Variants in CNTN3 observed in about 807,000 individuals in gnomAD.
The protein encoded by CNTN3 is contactin-3.
CNTN3 carries 60 observed loss-of-function variants against 119.1 expected under a neutral mutation model. The ratio of observed to expected loss-of-function variants is 0.50; its 90% CI spans 0.41 to 0.62. CNTN3 has a LOEUF of 0.62. CNTN3 is among the 20% of genes least tolerant of loss of function. The probability of loss-of-function intolerance (pLI) is 0.00; values close to 1 mark genes in which losing one functional copy is unlikely to be tolerated. For missense variants in CNTN3, 1,101 were observed against 1,242.4 expected (o/e 0.89, Z 1.71); for synonymous variants, 450 against 438.7 (o/e 1.03, Z -0.32).
intron 5 of CNTN3, among the ~76,000 whole-genome samples, chr3:74,405,685 T>C (rs1318832257): frequency 2.0e-5 from 3 of 152,106 alleles, no homozygotes; most frequent in African/African-American, 4.8e-5. Flanking sequence ...AAAATTGTAA[T>C]GTTTTCCAGT....
chr3:74,611,352 AAC>A, intron 1 of CNTN3, among the ~76,000 whole-genome samples: 1 of 151,920 alleles, frequency 6.6e-6, no homozygotes, highest in South Asian at 2.1e-4. Context: ...TCTTGTTTAT[AAC>A]ATGTACATAA....
At chr3:74,583,429 G>A (rs542097729) in intron 1 of CNTN3, among the ~76,000 whole-genome samples, 6 of 152,072 alleles carry the variant, frequency 3.9e-5, no homozygotes, top group Non-Finnish European at 7.4e-5. Context: ...AGATAAACCT[G>A]AAAAATAGGA....
chr3:74,443,600 T>C (rs1357948809), intron 4 of CNTN3, among the ~76,000 whole-genome samples: 1 of 152,168 alleles, frequency 6.6e-6, no homozygotes, highest in Admixed American at 6.6e-5. Flanking sequence ...ACATCTGCAC[T>C]TCAGTCAGAT....
At chr3:74,386,222 G>C (rs1704741370) in intron 5 of CNTN3, among the ~76,000 whole-genome samples, 1 of 152,138 alleles carries the variant, frequency 6.6e-6, no homozygotes, top group Non-Finnish European at 1.5e-5. Flanking sequence ...AATTCAAAAG[G>C]GTTGGGGAAT....
rs549126475 is a variant in CNTN3 at position 74,321,445 on chromosome 3, A to T, written c.1668+13290T>A. 1.1e-4 allele frequency among the ~76,000 whole-genome samples: 16 copies of T among 152,282 alleles called. No homozygotes were observed. The East Asian group carries it at 1.2e-3, about 11-fold the overall frequency. On this transcript the variant is annotated intron_variant, in intron 13 of 22. Coordinates refer to ENST00000263665, the MANE Select transcript of CNTN3 (RefSeq NM_020872.3). ...GAGGAAAATTTATGTCATTGAGTGC[A>T]TATAAAAGCAAAAAGAAGGAGCCAA...
At chr3:74,489,583 T>G (rs933727724) in intron 3 of CNTN3, among the ~76,000 whole-genome samples, 1 of 152,046 alleles carries the variant, frequency 6.6e-6, no homozygotes, top group African/African-American at 2.4e-5. Flanking sequence ...GAAGCTCACA[T>G]TTTTTAGATT....
intron 5 of CNTN3, among the ~76,000 whole-genome samples, chr3:74,384,319 A>G (rs984315174): frequency 1.3e-5 from 2 of 152,242 alleles, no homozygotes; most frequent in Admixed American, 1.3e-4. Flanking sequence ...TAATAAAGGA[A>G]ACAGATCTCC....
intron 5 of CNTN3, among the ~76,000 whole-genome samples, chr3:74,391,043 T>C (rs1704884271): frequency 6.6e-6 from 1 of 152,154 alleles, no homozygotes; most frequent in South Asian, 2.1e-4. Flanking sequence ...TAATAGCTTG[T>C]AATATGAATG....
At chr3:74,407,524 C>T (rs1339623545) in intron 5 of CNTN3, among the ~76,000 whole-genome samples, 2 of 151,226 alleles carry the variant, frequency 1.3e-5, no homozygotes, top group African/African-American at 2.4e-5. Context: ...CTGCCCACCT[C>T]GGCCTCTCAA....
intron 8 of CNTN3, among the ~76,000 whole-genome samples, chr3:74,366,313 GAAGT>G (rs1020009132): frequency 4.6e-5 from 7 of 152,202 alleles, no homozygotes; most frequent in Middle Eastern, 3.4e-3. Flanking sequence ...GCCAGAAAAA[GAAGT>G]AACTGATGCA....
intron 5 of CNTN3, among the ~76,000 whole-genome samples, chr3:74,380,595 T>A (rs998521389): frequency 2.6e-5 from 4 of 152,234 alleles, no homozygotes; most frequent in African/African-American, 9.6e-5. Context: ...TTTTCTTTAG[T>A]ACAACCTAAC....
intron 4 of CNTN3, among the ~76,000 whole-genome samples, chr3:74,462,218 T>C (rs1360655758): frequency 6.6e-6 from 1 of 152,128 alleles, no homozygotes; most frequent in African/African-American, 2.4e-5. Context: ...GAAGCTGCTA[T>C]GCTTCCTGTA....
intron 11 of CNTN3, among the ~76,000 whole-genome samples, chr3:74,360,535 A>G (rs1704052088): frequency 6.6e-6 from 1 of 152,204 alleles, no homozygotes; most frequent in African/African-American, 2.4e-5. Flanking sequence ...TTGCTGTTAT[A>G]AATGACCACA....
intron 19 of CNTN3, among the ~76,000 whole-genome samples, chr3:74,292,654 T>C (rs1054739445): frequency 2.6e-5 from 4 of 152,148 alleles, no homozygotes; most frequent in Non-Finnish European, 4.4e-5. Context: ...CCTCCCAATA[T>C]CCTAATGAGG....
intron 5 of CNTN3, among the ~76,000 whole-genome samples, chr3:74,397,383 T>C (rs1469453663): frequency 3.3e-5 from 5 of 152,122 alleles, no homozygotes; most frequent in Non-Finnish European, 7.3e-5. Context: ...TGCCTGCAAA[T>C]ACATCTATTC....
intron 7 of CNTN3, among the ~76,000 whole-genome samples, chr3:74,369,633 T>C (rs1575666122): frequency 1.3e-5 from 2 of 148,986 alleles, no homozygotes; most frequent in East Asian, 3.9e-4. Context: ...TTACAGCAAA[T>C]GAACAAGAAA....
At chr3:74,558,395 AT>A (rs1296362173) in intron 1 of CNTN3, among the ~76,000 whole-genome samples, 1 of 152,156 alleles carries the variant, frequency 6.6e-6, no homozygotes, top group Admixed American at 6.5e-5. Context: ...TTAGGAGTAA[AT>A]TTTTGCAACA....
At position 74,295,181 on chromosome 3, in the gene CNTN3, A is replaced by G; in HGVS notation, c.2457T>C (p.Ile819=). ...AAGGAATGGTGTTCCATGAAACCTC[A>G]ATTTCTGAGGAAGATAGGCTATTTG... ...VSANSLSSSE[I]EVSWNTIPWK... The change falls in exon 19 of 23, where the codon ATT becomes ATC. Residue 819 remains isoleucine, a synonymous_variant. Transcript: ENST00000263665. 6 of 1,613,454 alleles carry G rather than the reference A, an allele frequency of 3.7e-6. No homozygotes were observed. Among genetic ancestry groups the G allele is most frequent in the Non-Finnish European group, 5.1e-6 (6 of 1,179,420 alleles).
intron 5 of CNTN3, among the ~76,000 whole-genome samples, chr3:74,392,957 ATT>A (rs35530515): frequency 6.6e-6 from 1 of 151,758 alleles, no homozygotes; most frequent in Non-Finnish European, 1.5e-5. Flanking sequence ...TGGTTTGGGT[ATT>A]TTTTTTCATA....
Sources: allele counts gnomAD v4.1 joint callset (sites outside exome capture counted in the v4.1 genomes callset), GRCh38; gene constraint gnomAD v4.1.1; transcripts MANE v1.5; gene names NCBI Gene and HGNC (gene_info 2026-07-23, HGNC 2026-07-21).